Variants in ZZZ3 observed in about 807,000 individuals in gnomAD.
The protein encoded by ZZZ3 is zinc finger ZZ-type containing 3.
Under a neutral mutation model 95.2 loss-of-function variants are expected in ZZZ3, and 22 were observed. The ratio of observed to expected loss-of-function variants is 0.23; its 90% CI spans 0.17 to 0.33. The LOEUF (loss-of-function observed/expected upper bound fraction) is 0.33. Among genes scored for constraint, ZZZ3 ranks in the 10% least tolerant of loss-of-function variants. The pLI is 1.00. For missense variants in ZZZ3, 885 were observed against 1,066.5 expected (o/e 0.83, Z 2.37); for synonymous variants, 335 against 358.9 (o/e 0.93, Z 0.75).
At chr1:77,617,582 A>G (rs1666434971) in intron 5 of ZZZ3, among the ~76,000 whole-genome samples, 1 of 152,140 alleles carries the variant, frequency 6.6e-6, no homozygotes, top group Non-Finnish European at 1.5e-5. Flanking sequence ...GCTGCTGTGA[A>G]CATCTGTGTA....
chr1:77,593,195 T>C (rs187050037), intron 5 of ZZZ3, among the ~76,000 whole-genome samples: 31 of 152,214 alleles, frequency 2.0e-4, no homozygotes, highest in African/African-American at 7.2e-4. Context: ...GACTAGAATA[T>C]CTCAGTTTGG....
Position 77,563,898 on chromosome 1 carries a change from C to T in ZZZ3, c.*1742G>A, listed in dbSNP as rs1003791172. 1 of 151,810 alleles carries T rather than the reference C, an allele frequency of 6.6e-6. No individual in the cohort carries two copies. Among genetic ancestry groups the T allele is most frequent in the African/African-American group, 2.4e-5 (1 of 41,364 alleles). 9.4% of individuals were successfully genotyped at this position (151,810 alleles called of 1,614,324 possible). On this transcript the variant is annotated 3_prime_UTR_variant, in exon 15 of 15. Transcript: ENST00000370801. The stretch of plus-strand genomic sequence containing the variant: ...AATCAATATATTACTTTAAAATTCT[C>T]ATATTTCTATATTTAAAATTCTATT...
chr1:77,570,296 G>T (rs1661249913), intron 12 of ZZZ3, among the ~76,000 whole-genome samples: 1 of 152,042 alleles, frequency 6.6e-6, no homozygotes, highest in African/African-American at 2.4e-5. Context: ...GTACAGACGG[G>T]GTTTCACCGT....
At chr1:77,616,287 T>C (rs985393064) in intron 5 of ZZZ3, among the ~76,000 whole-genome samples, 2 of 152,240 alleles carry the variant, frequency 1.3e-5, no homozygotes, top group African/African-American at 4.8e-5. Context: ...TAGGAACACC[T>C]GCCACATTTA....
chr1:77,681,828 G>C (rs1489507515), intron 1 of ZZZ3, among the ~76,000 whole-genome samples: 1 of 151,666 alleles, frequency 6.6e-6, no homozygotes, highest in Admixed American at 6.6e-5. Flanking sequence ...GAACCCGGGA[G>C]GCGGAGGTTG....
intron 5 of ZZZ3, among the ~76,000 whole-genome samples, chr1:77,622,404 TC>T (rs1666967496): frequency 6.6e-6 from 1 of 151,260 alleles, no homozygotes; most frequent in South Asian, 2.1e-4. Context: ...ATCAAATTTT[TC>T]CAACACAAAT....
At chr1:77,638,656 C>A (rs1303685662) in intron 4 of ZZZ3, among the ~76,000 whole-genome samples, 3 of 152,122 alleles carry the variant, frequency 2.0e-5, no homozygotes, top group African/African-American at 7.2e-5. Flanking sequence ...TATTTATTAT[C>A]ATAATATTTA....
intron 6 of ZZZ3, among the ~76,000 whole-genome samples, chr1:77,582,816 C>T (rs971095665): frequency 6.6e-6 from 1 of 151,898 alleles, no homozygotes; most frequent in Non-Finnish European, 1.5e-5. Context: ...AAAAGAAATT[C>T]CATTCTAGGC....
rs776531392 is a variant in ZZZ3 at position 77,632,232 on chromosome 1, G to A, written c.1123C>T (p.Arg375Cys). Reference protein sequence around the residue: ...MMSLSEPQEHRYTLRTSPRRA... With the variant: ...MMSLSEPQEHCYTLRTSPRRA... ...CGTGGTGAGGTTCTCAGAGTATAAC[G>A]ATGTTCTTGAGGTTCTGATAAAGAC... Residue 375 changes from arginine (R) to cysteine (C), a missense_variant, in exon 5 of 15, where the codon CGT becomes TGT. Physicochemically the swap from Arg to Cys is radical, Grantham distance 180 (BLOSUM62 -3). Around this residue, in one of 5 missense-constraint regions of ZZZ3, gnomAD observed 556 missense variants for 652.9 expected, o/e 0.85. Transcript: ENST00000370801. 8.1e-6 allele frequency: 13 copies of A among 1,613,934 alleles called. No individual in the cohort carries two copies. The highest frequency in any genetic ancestry group is 1.7e-4 in the Middle Eastern group (1 of 6,060).
At chr1:77,683,360 T>C (rs1250572082), upstream of ZZZ3, 2 of 151,796 alleles carry the variant, frequency 1.3e-5, no homozygotes, top group African/African-American at 4.9e-5. Context: ...TGGCCACCGC[T>C]GCAGGAAGCT....
At chr1:77,658,466 C>G (rs1010991270) in intron 1 of ZZZ3, among the ~76,000 whole-genome samples, 5 of 151,206 alleles carry the variant, frequency 3.3e-5, no homozygotes, top group African/African-American at 1.2e-4. Context: ...CTTAGCCTCC[C>G]AAGTAGCTGG....
At chr1:77,675,793 G>C (rs949389492) in intron 1 of ZZZ3, among the ~76,000 whole-genome samples, 1 of 151,750 alleles carries the variant, frequency 6.6e-6, no homozygotes, top group Non-Finnish European at 1.5e-5. Flanking sequence ...CAATTATTTT[G>C]AGATCACAAA....
chr1:77,631,793 A>G, intron 5 of ZZZ3, 57 bp downstream of exon 5: 1 of 1,387,596 alleles, frequency 7.2e-7, no homozygotes, highest in Non-Finnish European at 9.7e-7. Flanking sequence ...ATAGATACTG[A>G]AAAACTTGGG....
chr1:77,607,805 C>A (rs1282916228), intron 5 of ZZZ3, among the ~76,000 whole-genome samples: 1 of 151,610 alleles, frequency 6.6e-6, no homozygotes, highest in East Asian at 1.9e-4. Context: ...GCCTGTAGTC[C>A]CAGCTGTGGG....
chr1:77,630,446 A>C (rs1217980607), intron 5 of ZZZ3, among the ~76,000 whole-genome samples: 1 of 152,112 alleles, frequency 6.6e-6, no homozygotes, highest in Non-Finnish European at 1.5e-5. Flanking sequence ...CTGTGTACTC[A>C]AGCCTGGGCA....
At chr1:77,570,575 T>C (rs970557531) in intron 12 of ZZZ3, among the ~76,000 whole-genome samples, 6 of 152,092 alleles carry the variant, frequency 3.9e-5, no homozygotes, top group Admixed American at 2.6e-4. Flanking sequence ...TCCAAAGTCT[T>C]TGGCTGAATA....
intron 5 of ZZZ3, among the ~76,000 whole-genome samples, chr1:77,604,874 C>T (rs527962171): frequency 6.6e-6 from 1 of 152,128 alleles, no homozygotes; most frequent in Non-Finnish European, 1.5e-5. Flanking sequence ...CATTTATACA[C>T]GTATCCCTGC....
rs551491653 is a variant in ZZZ3, at chr1:77,573,262, G to A, written c.2331+2806C>T. Among the ~76,000 whole-genome samples, 458 of 150,340 alleles carry A rather than the reference G, an allele frequency of 3.0e-3. 4 individuals are homozygous for A. The highest frequency in any genetic ancestry group is 0.011 in the African/African-American group (442 of 40,998). ...AGCCTCCTGAGTAGCTGAGATTACAGGCATGCACCACCATGCCCAGCTAAT... is the reference window on the plus strand; with the variant it reads ...AGCCTCCTGAGTAGCTGAGATTACAAGCATGCACCACCATGCCCAGCTAAT... On this transcript the variant is annotated intron_variant, in intron 12 of 14. Coordinates refer to ENST00000370801, the MANE Select transcript of ZZZ3 (RefSeq NM_015534.6).
intron 1 of ZZZ3, among the ~76,000 whole-genome samples, chr1:77,650,674 A>G (rs1373837354): frequency 6.6e-6 from 1 of 151,962 alleles, no homozygotes; most frequent in Non-Finnish European, 1.5e-5. Context: ...TAGAAAAAAA[A>G]AAAAAGGATA....
Sources: gnomAD v4.1 joint callset for allele counts (sites outside exome capture counted in the v4.1 genomes callset) on GRCh38, gnomAD v4.1.1 for gene constraint, gnomAD v4.1.1 regional missense constraint, MANE v1.5 for transcripts, NCBI Gene and HGNC (gene_info 2026-07-23, HGNC 2026-07-21) for gene names.